Variants in CLGN observed in about 807,000 individuals in gnomAD.
The protein encoded by CLGN is testis tissue sperm-binding protein Li 79P.
CLGN carries 62 observed loss-of-function variants against 79.1 expected under a neutral mutation model. The ratio of observed to expected loss-of-function variants is 0.78; its 90% CI spans 0.64 to 0.97. The LOEUF is 0.97. CLGN is among the 50% of genes least tolerant of loss of function. The pLI is 0.00. For missense variants in CLGN, 647 were observed against 715.5 expected, an observed-to-expected ratio of 0.90 and a Z score of 1.09; for synonymous variants, 225 against 224.7, an observed-to-expected ratio of 1.00 and a Z score of -0.01.
At chr4:140,404,218 C>T (rs944019367) in intron 5 of CLGN, among the ~76,000 whole-genome samples, 8 of 151,886 alleles carry the variant, frequency 5.3e-5, no homozygotes, top group Non-Finnish European at 1.0e-4. Flanking sequence ...CTCAGCCTCC[C>T]GAGTAGCTGG....
At position 140,408,860 on chromosome 4, in the gene CLGN, CATAT is replaced by C. The variant is rs112593782; in HGVS notation, c.277+973_277+976del. Among the ~76,000 whole-genome samples the C allele has an allele frequency of 4.5e-3, 621 of 138,414 alleles. 6 individuals are homozygous for C. Among genetic ancestry groups the C allele is most frequent in the South Asian group, 0.013 (58 of 4,300 alleles). The allele number at this position is 138,414 out of a possible 152,430, so 90.8% of individuals were successfully genotyped here. A position where few individuals can be genotyped will look rare whatever the true frequency, so the allele number is the denominator to read the frequency against. On this transcript the variant is annotated intron_variant, in intron 4 of 14. Coordinates refer to ENST00000325617, the MANE Select transcript of CLGN (RefSeq NM_004362.3). ...TGGTGTCCTTTTTGGAGTTGATAAG[CATAT>C]ATATATATATATATATATATACACA...
intron 5 of CLGN, 25 bp downstream of exon 5, chr4:140,405,917 T>C (rs1331555069): frequency 6.3e-7 from 1 of 1,579,640 alleles, no homozygotes; most frequent in African/African-American, 1.4e-5. Flanking sequence ...TCAGAAAAAG[T>C]ATTCAAAAAC....
intron 5 of CLGN, among the ~76,000 whole-genome samples, chr4:140,405,179 AT>A (rs1040656727): frequency 1.1e-4 from 12 of 111,308 alleles, no homozygotes; most frequent in South Asian, 2.8e-4. Context: ...TTTTATTTTT[AT>A]TTTTTTTTTT....
intron 4 of CLGN, among the ~76,000 whole-genome samples, 169 bp from the exon 5 acceptor site, chr4:140,406,252 C>CTTT (rs139198063): frequency 6.6e-6 from 1 of 151,470 alleles, no homozygotes; most frequent in Non-Finnish European, 1.5e-5. Flanking sequence ...GCTCATTTAT[C>CTTT]TTTTTTTTTC....
Position 140,398,979 on chromosome 4 carries a change from G to A in CLGN, c.756C>T (p.Ser252=). The part of the protein sequence containing the change: ...LVDQTVVNKG[S]LLEDVVPPIK... Reference sequence around the variant, plus strand: ...TAGGAGGAACCACATCCTCTAGGAGGCTTCCTTTGTTTACAACTGTTTGAT... The same window carrying A: ...TAGGAGGAACCACATCCTCTAGGAGACTTCCTTTGTTTACAACTGTTTGAT... The change falls in exon 8 of 15, where the codon AGC becomes AGT. Residue 252 remains serine (S), a synonymous_variant. Coordinates refer to ENST00000325617, the MANE Select transcript of CLGN (RefSeq NM_004362.3). 6.2e-7 allele frequency: 1 copy of A among 1,613,762 alleles called. No homozygotes were observed. Among genetic ancestry groups the A allele is most frequent in the African/African-American group, 1.3e-5 (1 of 74,990 alleles).
intron 1 of CLGN, among the ~76,000 whole-genome samples, chr4:140,413,585 A>C (rs1301781564): frequency 6.6e-6 from 1 of 152,218 alleles, no homozygotes; most frequent in Non-Finnish European, 1.5e-5. Context: ...GAGTCAAAGA[A>C]AGGGGTGACG....
In CLGN at chr4:140,412,935, C is replaced by T. The variant is rs1483957999; in HGVS notation, c.144G>A (p.Glu48=). Residue 48 remains glutamate, a splice_region_variant and synonymous_variant, in exon 2 of 15, where the codon GAG becomes GAA. Transcript: ENST00000325617. ...IDVNESELSS[E]IKYKTPQPIG... ...ATAACCCATTTCTCAATAACCATACCTCTGAGGAAAGTTCACTTTCATTAA... is the reference window on the plus strand; with the variant it reads ...ATAACCCATTTCTCAATAACCATACTTCTGAGGAAAGTTCACTTTCATTAA... The T allele has an allele frequency of 1.2e-6, 2 of 1,612,618 alleles. No homozygotes were observed. The highest frequency in any genetic ancestry group is 1.7e-6 in the Non-Finnish European group (2 of 1,179,210).
intron 1 of CLGN, among the ~76,000 whole-genome samples, chr4:140,417,379 G>A (rs1327585916): frequency 4.8e-5 from 7 of 144,940 alleles, no homozygotes; most frequent in Admixed American, 3.5e-4. Flanking sequence ...GGAAATAAAT[G>A]GTATTCAATT....
intron 8 of CLGN, among the ~76,000 whole-genome samples, chr4:140,397,621 C>T (rs1014914196): frequency 9.9e-5 from 15 of 152,058 alleles, no homozygotes; most frequent in Admixed American, 5.9e-4. Flanking sequence ...AAAAAGAACA[C>T]TTAGGCTGGC....
intron 1 of CLGN, among the ~76,000 whole-genome samples, chr4:140,420,520 A>G (rs1421895783): frequency 6.6e-6 from 1 of 150,498 alleles, no homozygotes; most frequent in Non-Finnish European, 1.5e-5. Context: ...TCTGTAGACA[A>G]TGCAGTTCTA....
At chr4:140,412,392 A>G (rs1729230249) in intron 2 of CLGN, among the ~76,000 whole-genome samples, 1 of 152,196 alleles carries the variant, frequency 6.6e-6, no homozygotes, top group Non-Finnish European at 1.5e-5. Context: ...AAGGTATACA[A>G]AAATCCCTGC....
At chr4:140,413,413 AC>A (rs765576374) in intron 1 of CLGN, among the ~76,000 whole-genome samples, 5 of 152,148 alleles carry the variant, frequency 3.3e-5, no homozygotes, top group South Asian at 4.1e-4. Flanking sequence ...GACGCAGAAG[AC>A]GGGTGATTTC....
intron 2 of CLGN, 43 bp downstream of exon 2, chr4:140,412,890 ACT>A: frequency 6.5e-7 from 1 of 1,530,392 alleles, no homozygotes; most frequent in Non-Finnish European, 9.0e-7. Flanking sequence ...ACTTCATTGT[ACT>A]ATGTAAAGGA....
intron 1 of CLGN, among the ~76,000 whole-genome samples, chr4:140,420,546 CT>C (rs910376022): frequency 3.3e-5 from 3 of 90,668 alleles, no homozygotes; most frequent in Non-Finnish European, 5.8e-5. Context: ...TTTATTTGTT[CT>C]TTTTTTTAAA....
At chr4:140,425,478 G>C (rs1343697570) in intron 1 of CLGN, among the ~76,000 whole-genome samples, 1 of 146,812 alleles carries the variant, frequency 6.8e-6, no homozygotes, top group East Asian at 2.0e-4. Flanking sequence ...GTACATACAG[G>C]CATACCTCAT....
intron 2 of CLGN, 121 bp downstream of exon 2, chr4:140,412,813 CA>C: frequency 2.2e-6 from 2 of 895,578 alleles, no homozygotes; most frequent in South Asian, 4.7e-5. Flanking sequence ...GAAAAAAAAT[CA>C]ATGTTTTTCT....
chr4:140,410,967 A>G (rs1335070368), intron 2 of CLGN, among the ~76,000 whole-genome samples: 1 of 152,082 alleles, frequency 6.6e-6, no homozygotes, highest in East Asian at 1.9e-4. Context: ...TAAGATGTAG[A>G]GCTTAGTAAG....
intron 1 of CLGN, among the ~76,000 whole-genome samples, chr4:140,413,650 G>A (rs1029971432): frequency 2.0e-5 from 3 of 152,220 alleles, no homozygotes; most frequent in African/African-American, 7.2e-5. Context: ...TTTTCCAACA[G>A]GCTTAAAAAA....
chr4:140,419,096 T>C (rs913308725), intron 1 of CLGN, among the ~76,000 whole-genome samples: 2 of 151,722 alleles, frequency 1.3e-5, no homozygotes, highest in African/African-American at 4.8e-5. Flanking sequence ...AGTAAACTAT[T>C]GCAAGAACAA....
Sources: allele counts gnomAD v4.1 joint callset (sites outside exome capture counted in the v4.1 genomes callset), GRCh38; gene constraint gnomAD v4.1.1; transcripts MANE v1.5; gene names NCBI Gene and HGNC (gene_info 2026-07-23, HGNC 2026-07-21).